The following CNIH3 variants were observed in gnomAD, a reference collection of about 807,000 sequenced individuals.
CNIH3 encodes the protein cornichon family AMPA receptor auxiliary protein 3.
A neutral mutation model predicts 24.1 loss-of-function variants in CNIH3; 14 were observed. That is an observed-to-expected ratio of 0.58 (90% CI 0.38 to 0.91). The LOEUF is 0.91. Ranked by LOEUF, CNIH3 falls within the 40% of genes least tolerant of loss-of-function variation. The pLI, the probability that CNIH3 is intolerant of heterozygous loss-of-function variation, is 0.00. For missense variants in CNIH3, 178 were observed against 196.8 expected, an observed-to-expected ratio of 0.90 and a Z score of 0.57; for synonymous variants, 68 against 73.8, an observed-to-expected ratio of 0.92 and a Z score of 0.40.
intron 1 of CNIH3, among the ~76,000 whole-genome samples, chr1:224,483,781 G>C (rs1572339133): frequency 6.6e-6 from 1 of 152,210 alleles, no homozygotes; most frequent in South Asian, 2.1e-4. Flanking sequence ...ATCAGTAAAC[G>C]CTTCTATTCT....
At chr1:224,734,291 G>T (rs1363321710) in intron 4 of CNIH3, among the ~76,000 whole-genome samples, 1 of 152,180 alleles carries the variant, frequency 6.6e-6, no homozygotes, top group African/African-American at 2.4e-5. Flanking sequence ...CCTAGGCAAC[G>T]CCAGGTGACA....
chr1:224,612,213 T>G (rs1048211103), upstream of CNIH3, among the ~76,000 whole-genome samples: 3 of 152,306 alleles, frequency 2.0e-5, no homozygotes, highest in Admixed American at 6.5e-5. This position sits in a 1 kb window ranked among gnomAD's most constrained non-coding sequence, Gnocchi z 4.7. Flanking sequence ...AACATCTTCT[T>G]GAAAGCATCA....
In CNIH3 at chr1:224,466,045, C is replaced by T. The variant is rs559158408; in HGVS notation, n.203+31183C>T. 6.5e-4 allele frequency among the ~76,000 whole-genome samples: 99 copies of T among 152,132 alleles called. 1 individual carries two copies. Among genetic ancestry groups the T allele is most frequent in the African/African-American group, 2.2e-3 (90 of 41,526 alleles). On this transcript the variant is annotated intron_variant and non_coding_transcript_variant, in intron 1 of 5. Transcript: ENST00000471578. ...CTCCTTCTCAAAAAAACACAAAAAACGAAAAACAAAAACCCAGAAATTGGC... is the reference window on the plus strand; with the variant it reads ...CTCCTTCTCAAAAAAACACAAAAAATGAAAAACAAAAACCCAGAAATTGGC...
At chr1:224,434,703 G>GGCGGGCGGCA (rs1674560114) in exon 1 of CNIH3, 9 of 953,978 alleles carry the variant, frequency 9.4e-6, no homozygotes, top group Non-Finnish European at 1.1e-5. Flanking sequence ...CGGCGGCGGC[G>GGCGGGCGGCA]GCGGGCGGCA....
At chr1:224,708,451 A>G (rs1397006779) in intron 3 of CNIH3, among the ~76,000 whole-genome samples, 2 of 151,936 alleles carry the variant, frequency 1.3e-5, no homozygotes, top group African/African-American at 2.4e-5. Context: ...CAACCCACAC[A>G]TTTCTTTTTT....
chr1:224,456,267 C>T (rs1409930903), intron 1 of CNIH3, among the ~76,000 whole-genome samples: 1 of 152,226 alleles, frequency 6.6e-6, no homozygotes, highest in Admixed American at 6.5e-5. Flanking sequence ...TAGCAACGTT[C>T]CATCCACAAA....
intron 1 of CNIH3, among the ~76,000 whole-genome samples, chr1:224,679,599 C>G (rs1201526956): frequency 6.6e-6 from 1 of 152,152 alleles, no homozygotes; most frequent in Admixed American, 6.5e-5. Context: ...TAAGTACAGG[C>G]TGGATAATTA....
At chr1:224,687,801 A>T (rs1686735110) in intron 3 of CNIH3, among the ~76,000 whole-genome samples, 1 of 152,230 alleles carries the variant, frequency 6.6e-6, no homozygotes, top group Admixed American at 6.5e-5. Flanking sequence ...CAAACAAGGC[A>T]CGAGGGAATC....
intron 1 of CNIH3, among the ~76,000 whole-genome samples, chr1:224,474,621 T>C (rs1676494674): frequency 6.6e-6 from 1 of 151,428 alleles, no homozygotes; most frequent in African/African-American, 2.4e-5. Context: ...ATAAGTGAGA[T>C]TGAAATGAAG....
intron 1 of CNIH3, among the ~76,000 whole-genome samples, chr1:224,649,338 C>T (rs1684760645): frequency 6.6e-6 from 1 of 152,154 alleles, no homozygotes; most frequent in Admixed American, 6.5e-5. Context: ...GAAATGGCTT[C>T]TGCCCTAGGG....
intron 1 of CNIH3, among the ~76,000 whole-genome samples, chr1:224,497,600 G>T (rs1025400926): frequency 1.3e-5 from 2 of 152,204 alleles, no homozygotes; most frequent in African/African-American, 4.8e-5. Context: ...AAGAATATGG[G>T]TTGGGAACCC....
intron 4 of CNIH3, among the ~76,000 whole-genome samples, chr1:224,569,661 T>A (rs1680734311): frequency 6.6e-6 from 1 of 152,154 alleles, no homozygotes; most frequent in Non-Finnish European, 1.5e-5. Context: ...AGTGTTCTGG[T>A]TTTTCCATCA....
intron 3 of CNIH3, among the ~76,000 whole-genome samples, chr1:224,551,164 A>T (rs1046186821): frequency 1.3e-5 from 2 of 152,048 alleles, no homozygotes; most frequent in South Asian, 4.1e-4. Flanking sequence ...CAGTGTGGCG[A>T]TTCCTCAGGG....
At chr1:224,589,887 T>C (rs1376002249), downstream of CNIH3, among the ~76,000 whole-genome samples, 2 of 152,134 alleles carry the variant, frequency 1.3e-5, no homozygotes, top group African/African-American at 4.8e-5. Flanking sequence ...TATCCACTTT[T>C]TTTTTTTGAG....
intron 1 of CNIH3, among the ~76,000 whole-genome samples, chr1:224,472,702 T>G (rs924120521): frequency 6.6e-6 from 1 of 152,134 alleles, no homozygotes; most frequent in African/African-American, 2.4e-5. Flanking sequence ...GCTAGGGTGA[T>G]GAGTGCACCA....
At chr1:224,494,938 TTTCCCCTATTCAGGGGCTGCGCC>T (rs1316943450) in intron 1 of CNIH3, among the ~76,000 whole-genome samples, 1 of 152,186 alleles carries the variant, frequency 6.6e-6, no homozygotes, top group Non-Finnish European at 1.5e-5. Context: ...CTACCTCCAC[TTTCCCCTATTCAGGGGCTGCGCC>T]TGAGCCCCCC....
At chr1:224,588,191 A>G (rs1271312160) in intron 5 of CNIH3, among the ~76,000 whole-genome samples, 3 of 152,134 alleles carry the variant, frequency 2.0e-5, no homozygotes, top group Non-Finnish European at 4.4e-5. Context: ...CTTTTGACAT[A>G]TATTTGGATA....
chr1:224,452,002 C>T (rs1258204340), intron 1 of CNIH3, among the ~76,000 whole-genome samples: 4 of 152,144 alleles, frequency 2.6e-5, no homozygotes, highest in Admixed American at 6.5e-5. Context: ...TTACCAGAGT[C>T]GCCACGCTTT....
At chr1:224,645,643 G>T (rs892785793) in intron 1 of CNIH3, among the ~76,000 whole-genome samples, 1 of 152,188 alleles carries the variant, frequency 6.6e-6, no homozygotes, top group African/African-American at 2.4e-5. Flanking sequence ...GGCTCAGCCC[G>T]GAAGGCTGTG....
Sources: allele counts gnomAD v4.1 joint callset (sites outside exome capture counted in the v4.1 genomes callset), GRCh38; gene constraint gnomAD v4.1.1; non-coding constraint Gnocchi (gnomAD v3.1); transcripts MANE v1.5; gene names NCBI Gene and HGNC (gene_info 2026-07-23, HGNC 2026-07-21).